The following KAZN variants were observed in gnomAD, a reference collection of about 807,000 sequenced individuals.
KAZN encodes the protein kazrin.
Under a neutral mutation model 87.4 loss-of-function variants are expected in KAZN, and 40 were observed. The ratio of observed to expected loss-of-function variants is 0.46; its 90% CI spans 0.36 to 0.60. KAZN has a LOEUF of 0.60. Among genes scored for constraint, KAZN ranks in the 20% least tolerant of loss-of-function variants. KAZN has a pLI of 0.00. For synonymous variants in KAZN, 466 were observed against 458.3 expected, an observed-to-expected ratio of 1.02 and a Z score of -0.22; for missense variants, 898 against 1,073.9, an observed-to-expected ratio of 0.84 and a Z score of 2.29.
intron 2 of KAZN, among the ~76,000 whole-genome samples, chr1:14,358,176 A>G (rs1446545848): frequency 6.6e-6 from 1 of 151,868 alleles, no homozygotes; most frequent in Non-Finnish European, 1.5e-5. Flanking sequence ...GAATTTACCC[A>G]TTTCTTCTAG....
At chr1:14,802,736 T>C (rs578257069) in intron 1 of KAZN, among the ~76,000 whole-genome samples, 8 of 152,310 alleles carry the variant, frequency 5.3e-5, no homozygotes, top group Admixed American at 2.6e-4. Context: ...ACACGGACCC[T>C]GTTGGGCCAG....
chr1:14,078,012 C>T (rs1417497521), intron 1 of KAZN, among the ~76,000 whole-genome samples: 5 of 152,248 alleles, frequency 3.3e-5, no homozygotes, highest in East Asian at 1.9e-4. Context: ...TCCAAGACTG[C>T]GAGAGAATAG....
intron 2 of KAZN, among the ~76,000 whole-genome samples, chr1:14,232,224 CAA>C (rs1483111700): frequency 1.3e-5 from 2 of 152,100 alleles, no homozygotes; most frequent in Non-Finnish European, 2.9e-5. Context: ...AGCAAAGAAA[CAA>C]AGTTTTAGGT....
chr1:14,393,694 T>C (rs1662646560), intron 2 of KAZN, among the ~76,000 whole-genome samples: 1 of 151,928 alleles, frequency 6.6e-6, no homozygotes, highest in Non-Finnish European at 1.5e-5. Context: ...ATTGCTAGCA[T>C]TGAGGACCTA....
intron 2 of KAZN, among the ~76,000 whole-genome samples, chr1:14,189,957 G>A (rs1414351925): frequency 6.6e-6 from 1 of 152,110 alleles, no homozygotes; most frequent in Non-Finnish European, 1.5e-5. Context: ...GGTCTATTTA[G>A]AGGGCACGAA....
At chr1:14,131,638 G>T (rs1324183273) in intron 1 of KAZN, among the ~76,000 whole-genome samples, 1 of 152,060 alleles carries the variant, frequency 6.6e-6, no homozygotes, top group Non-Finnish European at 1.5e-5. Flanking sequence ...TTTTAGTTCA[G>T]AATCTTTTGG....
chr1:15,044,835 C>T (rs1171069335), intron 4 of KAZN, among the ~76,000 whole-genome samples: 1 of 151,778 alleles, frequency 6.6e-6, no homozygotes, highest in African/African-American at 2.4e-5. Context: ...AATGTTCATT[C>T]TCTCAGAGTG....
intron 2 of KAZN, among the ~76,000 whole-genome samples, chr1:14,196,983 A>G (rs866524319): frequency 1.3e-5 from 2 of 152,078 alleles, no homozygotes; most frequent in South Asian, 4.1e-4. Context: ...TTCTGCTGAT[A>G]GATGGGCCGG....
At chr1:14,271,002 A>G (rs1304857039) in intron 2 of KAZN, among the ~76,000 whole-genome samples, 3 of 152,218 alleles carry the variant, frequency 2.0e-5, no homozygotes, top group South Asian at 2.1e-4. Context: ...GCCATCGCAA[A>G]GTACCACCAG....
chr1:14,743,000 G>A (rs748293627), intron 1 of KAZN, among the ~76,000 whole-genome samples: 2 of 152,100 alleles, frequency 1.3e-5, no homozygotes, highest in African/African-American at 2.4e-5. Flanking sequence ...AAGATGTGCC[G>A]CCTTTGAGAT....
upstream of KAZN, among the ~76,000 whole-genome samples, chr1:14,594,656 A>T (rs976623639): frequency 6.6e-6 from 1 of 152,204 alleles, no homozygotes; most frequent in East Asian, 1.9e-4. Context: ...CCTGAAACAG[A>T]ACCCACAGTA....
chr1:15,060,243 C>T lies in KAZN; in HGVS notation c.988C>T (p.Arg330Trp), dbSNP rs750253926. ...CGACGCATCTGCCGCCGAAGGCGAC[C>T]GGTCGTCCACACCGAGCGACATCAA... ...ISDASAAEGD[R>W]SSTPSDINSP... The change falls in exon 6 of 15, where the codon CGG becomes TGG. Residue 330 changes from arginine (R) to tryptophan (W), a missense_variant. Coordinates refer to ENST00000376030, the MANE Select transcript of KAZN (RefSeq NM_201628.3). 1.9e-5 allele frequency: 31 copies of T among 1,614,102 alleles called. No homozygotes were observed. Among genetic ancestry groups the T allele is most frequent in the Admixed American group, 5.0e-5 (3 of 60,016 alleles).
chr1:14,921,153 A>AACACACAC (rs55766387), intron 1 of KAZN, among the ~76,000 whole-genome samples: 21,800 of 144,286 alleles, frequency 0.15, 1,723 homozygotes, highest in Middle Eastern at 0.23. Flanking sequence ...CTGAGCATGC[A>AACACACAC]ACACACACAC....
At chr1:14,596,900 C>A (rs375795580), upstream of KAZN, among the ~76,000 whole-genome samples, 452 of 152,296 alleles carry the variant, frequency 3.0e-3, 3 homozygotes, top group African/African-American at 0.01. Flanking sequence ...CTGCTATGAA[C>A]ATTCATGTAC....
intron 1 of KAZN, among the ~76,000 whole-genome samples, chr1:14,831,308 G>A (rs1358031394): frequency 6.6e-6 from 1 of 152,194 alleles, no homozygotes; most frequent in African/African-American, 2.4e-5. Context: ...GCTTCTAACT[G>A]TTCTGGAGAA....
chr1:14,380,066 C>G (rs571432896), intron 2 of KAZN, among the ~76,000 whole-genome samples: 2 of 152,228 alleles, frequency 1.3e-5, no homozygotes, highest in African/African-American at 4.8e-5. Context: ...TGGAAAAGAA[C>G]AAGAGTCTGC....
At chr1:15,107,272 G>A (rs1294077543) in intron 13 of KAZN, among the ~76,000 whole-genome samples, 1 of 152,180 alleles carries the variant, frequency 6.6e-6, no homozygotes, top group African/African-American at 2.4e-5. Flanking sequence ...ATAGGTGGAT[G>A]GTGTGGAGTT....
chr1:14,858,783 G>A (rs1223157021), intron 1 of KAZN, among the ~76,000 whole-genome samples: 1 of 152,174 alleles, frequency 6.6e-6, no homozygotes, highest in African/African-American at 2.4e-5. Flanking sequence ...CCACTGGCTT[G>A]CATTGAGAGA....
rs189754024 is a variant in KAZN at position 15,087,758 on chromosome 1, A to G, written c.1223-6422A>G. Among the ~76,000 whole-genome samples, 297 of 152,370 alleles carry G rather than the reference A, an allele frequency of 1.9e-3. 3 individuals carry two copies. The highest frequency in any genetic ancestry group is 6.9e-3 in the African/African-American group (286 of 41,588). On this transcript the variant is annotated intron_variant, in intron 8 of 14. Transcript: ENST00000376030. ...GGCACATGTGGCTTGTAGCTGCTGTACTGGACAGAGCAGTCTGGACAGTAA... is the reference window on the plus strand; with the variant it reads ...GGCACATGTGGCTTGTAGCTGCTGTGCTGGACAGAGCAGTCTGGACAGTAA...
Sources: allele counts gnomAD v4.1 joint callset (sites outside exome capture counted in the v4.1 genomes callset), GRCh38; gene constraint gnomAD v4.1.1; transcripts MANE v1.5; gene names NCBI Gene and HGNC (gene_info 2026-07-23, HGNC 2026-07-21).